GALNTL6: variants seen among roughly 807,000 people sequenced by gnomAD.
GALNTL6 encodes the protein polypeptide N-acetylgalactosaminyltransferase like 6.
In GALNTL6, 46 loss-of-function variants were observed where a neutral mutation model predicts 73.7. The ratio of observed to expected loss-of-function variants is 0.62; its 90% CI spans 0.49 to 0.80. The LOEUF (loss-of-function observed/expected upper bound fraction) is 0.80. Ranked by LOEUF, GALNTL6 falls within the 30% of genes least tolerant of loss-of-function variation. The pLI, the probability that GALNTL6 is intolerant of heterozygous loss-of-function variation, is 0.00. For synonymous variants in GALNTL6, 259 were observed against 263.7 expected (o/e 0.98, Z 0.17); for missense variants, 604 against 755.0 (o/e 0.80, Z 2.34).
At chr4:172,227,246 T>C (rs894409151) in intron 2 of GALNTL6, among the ~76,000 whole-genome samples, 1 of 152,200 alleles carries the variant, frequency 6.6e-6, no homozygotes, top group African/African-American at 2.4e-5. Flanking sequence ...CCATCTCTTA[T>C]GTAAGGATGT....
At chr4:172,230,506 G>A (rs976056538) in intron 3 of GALNTL6, among the ~76,000 whole-genome samples, 1 of 141,506 alleles carries the variant, frequency 7.1e-6, no homozygotes, top group African/African-American at 2.6e-5. Flanking sequence ...AGAATGGCCC[G>A]GGGGGTGGAG....
intron 2 of GALNTL6, among the ~76,000 whole-genome samples, chr4:171,960,103 T>C (rs912664821): frequency 3.9e-5 from 6 of 152,116 alleles, no homozygotes; most frequent in African/African-American, 1.4e-4. Context: ...AGGTACAGAT[T>C]GTAGGTGTCT....
chr4:171,846,143 A>T (rs1232131451), intron 2 of GALNTL6, among the ~76,000 whole-genome samples: 1 of 152,166 alleles, frequency 6.6e-6, no homozygotes, highest in Non-Finnish European at 1.5e-5. Flanking sequence ...GATATTTCCC[A>T]TCATGTCAGT....
intron 3 of GALNTL6, among the ~76,000 whole-genome samples, chr4:172,285,520 T>A (rs1399673976): frequency 6.6e-6 from 1 of 152,152 alleles, no homozygotes; most frequent in African/African-American, 2.4e-5. Flanking sequence ...CTATTATCCA[T>A]ACTCCTGGTA....
At chr4:172,696,076 T>C (rs1040268172) in intron 5 of GALNTL6, among the ~76,000 whole-genome samples, 20 of 152,234 alleles carry the variant, frequency 1.3e-4, no homozygotes, top group African/African-American at 4.8e-4. Context: ...TGTTGCTCCT[T>C]GGTCAATGAT....
At position 172,315,951 on chromosome 4, in the gene GALNTL6, A is replaced by G. The variant is rs1740529348; in HGVS notation, c.386+4199A>G. ...CATAAGACATCTATTTGAAATATACATATAAAATAGGGAAATAGAAAACTA... is the reference window on the plus strand; with the variant it reads ...CATAAGACATCTATTTGAAATATACGTATAAAATAGGGAAATAGAAAACTA... On this transcript the variant is annotated intron_variant, in intron 4 of 12. Coordinates refer to ENST00000506823, the MANE Select transcript of GALNTL6 (RefSeq NM_001034845.3). 2.0e-5 allele frequency among the ~76,000 whole-genome samples: 3 copies of G among 152,200 alleles called. No homozygotes were observed. The South Asian group carries it at 6.2e-4, about 32-fold the overall frequency.
intron 10 of GALNTL6, among the ~76,000 whole-genome samples, chr4:172,980,102 T>C (rs1430267282): frequency 1.3e-5 from 2 of 152,218 alleles, no homozygotes; most frequent in African/African-American, 2.4e-5. Context: ...CCGTATTGAC[T>C]ACATCTCCAC....
intron 5 of GALNTL6, among the ~76,000 whole-genome samples, chr4:172,802,836 GA>G (rs1478990644): frequency 2.0e-5 from 3 of 151,664 alleles, no homozygotes; most frequent in Non-Finnish European, 4.4e-5. Flanking sequence ...CAACAAAAAC[GA>G]GTAATCACCC....
intron 8 of GALNTL6, among the ~76,000 whole-genome samples, chr4:172,916,469 A>G (rs1747516804): frequency 6.6e-6 from 1 of 152,192 alleles, no homozygotes; most frequent in East Asian, 1.9e-4. Flanking sequence ...CTCTGTTTGC[A>G]GATGACATGA....
At chr4:171,975,694 C>A (rs1239098246) in intron 2 of GALNTL6, among the ~76,000 whole-genome samples, 1 of 152,146 alleles carries the variant, frequency 6.6e-6, no homozygotes, top group Non-Finnish European at 1.5e-5. Context: ...GAAAGACACT[C>A]TACAAAAGAA....
chr4:172,086,563 A>C (rs966992519), intron 2 of GALNTL6, among the ~76,000 whole-genome samples: 1 of 152,142 alleles, frequency 6.6e-6, no homozygotes, highest in African/African-American at 2.4e-5. Context: ...ATACCTATAA[A>C]CACATGCACA....
At chr4:172,134,564 T>C (rs935860459) in intron 2 of GALNTL6, among the ~76,000 whole-genome samples, 1 of 152,140 alleles carries the variant, frequency 6.6e-6, no homozygotes, top group Non-Finnish European at 1.5e-5. Context: ...GAAACATGAT[T>C]GGAAGGGAGA....
chr4:172,681,576 C>CA (rs1364883200), intron 5 of GALNTL6, among the ~76,000 whole-genome samples: 4 of 151,914 alleles, frequency 2.6e-5, no homozygotes, highest in Admixed American at 6.6e-5. Flanking sequence ...TGTTTCTTAG[C>CA]AAAAAATTGT....
rs112383349 is a variant in GALNTL6, at chr4:172,954,212, A to G, written c.1371+1954A>G. ...CTGCAACTGGTCACATTTTTCCCAC[A>G]GTACCTGATTAAACCATAACCTGAA... is the stretch of plus-strand genomic sequence containing the variant. On this transcript the variant is annotated intron_variant, in intron 10 of 12. Transcript: ENST00000506823. Among the ~76,000 whole-genome samples, 335 of 152,356 alleles carry G rather than the reference A, an allele frequency of 2.2e-3. 3 individuals carry two copies. The highest frequency in any genetic ancestry group is 7.4e-3 in the African/African-American group (308 of 41,578).
chr4:172,820,456 A>T (rs1376102674), intron 7 of GALNTL6, among the ~76,000 whole-genome samples: 1 of 152,254 alleles, frequency 6.6e-6, no homozygotes, highest in Non-Finnish European at 1.5e-5. Context: ...ACCCAATATT[A>T]GTAATTCTAC....
At chr4:172,746,623 G>T (rs974678933) in intron 5 of GALNTL6, among the ~76,000 whole-genome samples, 2 of 151,590 alleles carry the variant, frequency 1.3e-5, no homozygotes, top group Non-Finnish European at 2.9e-5. Flanking sequence ...ATTTTTAGTG[G>T]ACATAATGTG....
intron 7 of GALNTL6, among the ~76,000 whole-genome samples, chr4:172,855,100 T>A (rs1039849043): frequency 1.3e-5 from 2 of 151,948 alleles, no homozygotes; most frequent in Admixed American, 6.6e-5. Flanking sequence ...CAAAGCTATG[T>A]TTTATTTAAA....
At chr4:171,851,375 A>G (rs1341114929) in intron 2 of GALNTL6, among the ~76,000 whole-genome samples, 12 of 152,198 alleles carry the variant, frequency 7.9e-5, no homozygotes, top group Admixed American at 6.5e-4. Context: ...TTATATTTTG[A>G]CTGAATCAAG....
intron 2 of GALNTL6, among the ~76,000 whole-genome samples, chr4:172,115,283 A>G (rs1342984068): frequency 6.6e-6 from 1 of 152,130 alleles, no homozygotes; most frequent in Non-Finnish European, 1.5e-5. Context: ...ATAAGATATA[A>G]AATAGGGTAT....
Sources: allele counts gnomAD v4.1 joint callset (sites outside exome capture counted in the v4.1 genomes callset), GRCh38; gene constraint gnomAD v4.1.1; transcripts MANE v1.5; gene names NCBI Gene and HGNC (gene_info 2026-07-23, HGNC 2026-07-21).